Variants in RNF19A observed in about 807,000 individuals in gnomAD.
RNF19A encodes the protein E3 ubiquitin-protein ligase RNF19A.
Under a neutral mutation model 75.7 loss-of-function variants are expected in RNF19A, and 32 were observed. That is an observed-to-expected ratio of 0.42 (90% CI 0.32 to 0.57). The LOEUF is 0.57. RNF19A is among the 20% of genes least tolerant of loss of function. The pLI is 0.10. For missense variants in RNF19A, 782 were observed against 1,036.3 expected (o/e 0.75, Z 3.37); for synonymous variants, 335 against 345.2 (o/e 0.97, Z 0.33).
At chr8:100,280,649 G>A (rs1407520800) in intron 2 of RNF19A, among the ~76,000 whole-genome samples, 1 of 152,190 alleles carries the variant, frequency 6.6e-6, no homozygotes, top group Non-Finnish European at 1.5e-5. Context: ...AAAAGTTAGA[G>A]CAGTTTGTCT....
chr8:100,292,435 GGT>G (rs1554671903), intron 1 of RNF19A, among the ~76,000 whole-genome samples: 2,444 of 145,194 alleles, frequency 0.017, 30 homozygotes, highest in South Asian at 0.046. Context: ...CTATCATATG[GGT>G]GTGTGTGTGT....
At chr8:100,312,609 G>A (rs1278327322), upstream of RNF19A, among the ~76,000 whole-genome samples, 1 of 151,258 alleles carries the variant, frequency 6.6e-6, no homozygotes, top group Non-Finnish European at 1.5e-5. Flanking sequence ...AATGAAAGAA[G>A]GGAAGGAGGG....
At position 100,284,385 on chromosome 8, in the gene RNF19A, C is replaced by T. The variant is rs1190837674; in HGVS notation, c.674+3116G>A. On this transcript the variant is annotated intron_variant, in intron 2 of 9. Coordinates refer to ENST00000341084, the MANE Select transcript of RNF19A (RefSeq NM_183419.4). The surrounding 1 kb of genome is among the most constrained non-coding windows in gnomAD (Gnocchi z 4.3). ...ACATCACCAAGTATGTGAAATACGA[C>T]CATAACAACTAACAGAGCAGTATAA... Among the ~76,000 whole-genome samples, 1 of 152,030 alleles carries T rather than the reference C, an allele frequency of 6.6e-6. No individual in the cohort carries two copies. Among genetic ancestry groups the T allele is most frequent in the Admixed American group, 6.6e-5 (1 of 15,266 alleles).
At chr8:100,279,599 C>G (rs1056434705) in intron 2 of RNF19A, among the ~76,000 whole-genome samples, 2 of 152,176 alleles carry the variant, frequency 1.3e-5, no homozygotes, top group African/African-American at 4.8e-5. Flanking sequence ...GTTGCCCAGG[C>G]TGGAGTGCAG....
In RNF19A at chr8:100,257,901, C is replaced by T. The variant is rs1243208296; in HGVS notation, c.*655G>A. ...TAATTACTTACCTTTACATTTTTTC[C>T]TCTAAGATGGCATCAACAATAAACA... On this transcript the variant is annotated 3_prime_UTR_variant, in exon 10 of 10. Transcript: ENST00000341084. 5.0e-6 allele frequency: 2 copies of T among 397,416 alleles called. No homozygotes were observed. Among genetic ancestry groups the T allele is most frequent in the Admixed American group, 8.8e-5 (2 of 22,668 alleles). The allele number at this position is 397,416 out of a possible 1,614,324, so 24.6% of individuals were successfully genotyped here.
intron 5 of RNF19A, among the ~76,000 whole-genome samples, chr8:100,265,360 A>C (rs1472178658): frequency 5.3e-5 from 8 of 152,246 alleles, no homozygotes; most frequent in Admixed American, 2.6e-4. Flanking sequence ...AGCTCAAAGT[A>C]AATGGCAGAG....
In RNF19A at chr8:100,269,516, T is replaced by A. The variant is rs117047420; in HGVS notation, c.1028+353A>T. ...AACTAATGCAAAACATGCATATTTTTAGGCATCAATTATCTGATTATATCA... is the reference window on the plus strand; with the variant it reads ...AACTAATGCAAAACATGCATATTTTAAGGCATCAATTATCTGATTATATCA... On this transcript the variant is annotated intron_variant, in intron 4 of 9. Coordinates refer to ENST00000341084, the MANE Select transcript of RNF19A (RefSeq NM_183419.4). This position sits in a 1 kb window ranked among gnomAD's most constrained non-coding sequence, Gnocchi z 5.7. Among the ~76,000 whole-genome samples the A allele has an allele frequency of 5.3e-4, 81 of 152,280 alleles. No individual in the cohort carries two copies. In the East Asian group the frequency reaches 0.015, roughly 28 times the overall value.
intron 1 of RNF19A, among the ~76,000 whole-genome samples, chr8:100,298,848 A>C (rs1195933879): frequency 6.6e-6 from 1 of 152,266 alleles, no homozygotes; most frequent in Non-Finnish European, 1.5e-5. Flanking sequence ...TGGTTAGCTT[A>C]TTCCAGGCCC....
At chr8:100,310,427 C>T (rs1822261300), upstream of RNF19A, 2 of 197,006 alleles carry the variant, frequency 1.0e-5, no homozygotes. Flanking sequence ...GCGTCTCCTC[C>T]AAGGACAGGT....
Position 100,265,955 on chromosome 8 carries a change from C to G in RNF19A, c.1192-1170G>C, listed in dbSNP as rs567128545. Among the ~76,000 whole-genome samples the G allele has an allele frequency of 2.6e-5, 4 of 152,330 alleles. No individual in the cohort carries two copies. The South Asian group carries it at 8.3e-4, about 32-fold the overall frequency. ...ACTGCAGCTAATTCCTGCTCCTCCC[C>G]ACTCCCATTCCTGGGAAACTTAGCA... On this transcript the variant is annotated intron_variant, in intron 5 of 9. Transcript: ENST00000341084.
chr8:100,314,460 T>C (rs1822344802), upstream of RNF19A, among the ~76,000 whole-genome samples: 1 of 152,138 alleles, frequency 6.6e-6, no homozygotes, highest in Non-Finnish European at 1.5e-5. This position sits in a 1 kb window ranked among gnomAD's most constrained non-coding sequence, Gnocchi z 4.1. Context: ...GCAGGCTGGC[T>C]CCAGAGCTCA....
Position 100,259,979 on chromosome 8 carries a change from A to C in RNF19A, c.1701T>G (p.Asp567Glu). The change falls in exon 9 of 10, where the codon GAT (aspartate) becomes GAG (glutamate). Residue 567 changes from aspartate to glutamate, a missense_variant. Coordinates refer to ENST00000341084, the MANE Select transcript of RNF19A (RefSeq NM_183419.4). This position sits in a 1 kb window ranked among gnomAD's most constrained non-coding sequence, Gnocchi z 4.5. ...TTAGACTGTACCGTTCTTTCTGTAC[A>C]TCTGCTTGTACTTCCAACCTTAAAG... ...NCFNRLEVQA[D>E]VQKERYSLSG... The C allele has an allele frequency of 3.1e-6, 5 of 1,613,858 alleles. No homozygotes were observed. The highest frequency in any genetic ancestry group is 4.2e-6 in the Non-Finnish European group (5 of 1,179,870).
intron 3 of RNF19A, among the ~76,000 whole-genome samples, chr8:100,272,322 A>G (rs1381155694): frequency 3.3e-5 from 5 of 152,134 alleles, no homozygotes; most frequent in African/African-American, 9.7e-5. Context: ...AAACACAAAT[A>G]TTAATGTACT....
chr8:100,278,729 C>G (rs539753729), intron 2 of RNF19A, among the ~76,000 whole-genome samples: 14 of 152,098 alleles, frequency 9.2e-5, no homozygotes, highest in Middle Eastern at 3.4e-3. Flanking sequence ...TAGCACTACA[C>G]TAACTTTAAA....
intron 1 of RNF19A, among the ~76,000 whole-genome samples, chr8:100,327,940 A>G (rs1362660793): frequency 6.6e-6 from 1 of 152,244 alleles, no homozygotes; most frequent in Non-Finnish European, 1.5e-5. Context: ...GAGATTTGTG[A>G]GAAAACTGGT....
At position 100,287,801 on chromosome 8, in the gene RNF19A, T is replaced by G. The variant is rs770741186; in HGVS notation, c.374A>C (p.Gln125Pro). The change falls in exon 2 of 10, where the codon CAA (glutamine) becomes CCA (proline). Residue 125 changes from glutamine (Q) to proline (P), a missense_variant. Around this residue, in one of 7 missense-constraint regions of RNF19A, gnomAD observed 148 missense variants for 147.9 expected, o/e 1.00. Coordinates refer to ENST00000341084, the MANE Select transcript of RNF19A (RefSeq NM_183419.4). This position sits in a 1 kb window ranked among gnomAD's most constrained non-coding sequence, Gnocchi z 4.1. ...AGGGCACTCTATGAAGTCTCCAATT[T>G]GTTTGCTGATGGAAGTTAATCCATT... ...SDNGLTSISK[Q>P]IGDFIECPLC... 1 of 1,614,212 alleles carries G rather than the reference T, an allele frequency of 6.2e-7. No individual in the cohort carries two copies. Among genetic ancestry groups the G allele is most frequent in the African/African-American group, 1.3e-5 (1 of 75,064 alleles).
chr8:100,279,218 T>C (rs1264116829), intron 2 of RNF19A, among the ~76,000 whole-genome samples: 1 of 152,174 alleles, frequency 6.6e-6, no homozygotes, highest in Non-Finnish European at 1.5e-5. Flanking sequence ...GATATTAAAG[T>C]GAATATTTAG....
intron 1 of RNF19A, among the ~76,000 whole-genome samples, chr8:100,295,337 T>A (rs904430423): frequency 2.6e-5 from 4 of 152,210 alleles, no homozygotes; most frequent in African/African-American, 9.6e-5. Context: ...TTTTCGTAGT[T>A]ACAATGGTTT....
At chr8:100,281,154 TG>T (rs1373457051) in intron 2 of RNF19A, among the ~76,000 whole-genome samples, 1 of 152,166 alleles carries the variant, frequency 6.6e-6, no homozygotes, top group African/African-American at 2.4e-5. Context: ...CTCTAGGTAC[TG>T]TACTTGAAAT....
Sources: allele counts gnomAD v4.1 joint callset (sites outside exome capture counted in the v4.1 genomes callset), GRCh38; gene constraint gnomAD v4.1.1; regional missense constraint gnomAD v4.1.1; non-coding constraint Gnocchi (gnomAD v3.1); transcripts MANE v1.5; gene names NCBI Gene and HGNC (gene_info 2026-07-23, HGNC 2026-07-21).